Variants in TINAG observed in about 807,000 individuals in gnomAD.
TINAG encodes the protein tubulointerstitial nephritis antigen.
A neutral mutation model predicts 72.7 loss-of-function variants in TINAG; 83 were observed. That is an observed-to-expected ratio of 1.14 (90% CI 0.96 to 1.37). TINAG has a LOEUF of 1.37. Among genes scored for constraint, TINAG ranks in the 40% most tolerant of loss-of-function variants. TINAG has a pLI of 0.00. For missense variants in TINAG, 685 were observed against 576.6 expected (o/e 1.19, Z -1.93); for synonymous variants, 234 against 189.9 (o/e 1.23, Z -1.91).
intron 9 of TINAG, among the ~76,000 whole-genome samples, chr6:54,377,058 A>C (rs764396882): frequency 2.6e-5 from 4 of 152,162 alleles, no homozygotes; most frequent in Non-Finnish European, 5.9e-5. Flanking sequence ...ATGAGTCTTA[A>C]AAAATAATTG....
Position 54,389,831 on chromosome 6 carries a change from G to C in TINAG, c.1337G>C (p.Gly446Ala). The C allele has an allele frequency of 6.2e-7, 1 of 1,607,856 alleles. No individual in the cohort carries two copies. The highest frequency in any genetic ancestry group is 8.5e-7 in the Non-Finnish European group (1 of 1,177,808). ...NSWGKSWGEN[G>A]YFRILRGVNE... ...TGGGGAAAGTCATGGGGAGAGAATGGCTATTTCAGGATTCTTCGAGGAGTA... is the reference window on the plus strand; with the variant it reads ...TGGGGAAAGTCATGGGGAGAGAATGCCTATTTCAGGATTCTTCGAGGAGTA... Residue 446 changes from glycine to alanine, a missense_variant, in exon 11 of 11, where the codon GGC (glycine) becomes GCC (alanine). By Grantham distance (60) the Gly-to-Ala change is moderately conservative. Transcript: ENST00000259782.
At chr6:54,346,914 A>T in intron 5 of TINAG, among the ~76,000 whole-genome samples, 1 of 152,126 alleles carries the variant, frequency 6.6e-6, no homozygotes, top group Non-Finnish European at 1.5e-5. Context: ...TTTCCAATGA[A>T]TATTTCTATG....
intron 9 of TINAG, among the ~76,000 whole-genome samples, chr6:54,372,730 A>ACAT (rs1763660296): frequency 4.6e-4 from 1 of 2,160 alleles, no homozygotes; most frequent in Admixed American, 1.1e-3. Flanking sequence ...ATACATACAT[A>ACAT]TATATATATA....
intron 9 of TINAG, among the ~76,000 whole-genome samples, chr6:54,361,883 T>C (rs1468178516): frequency 6.6e-6 from 1 of 151,552 alleles, no homozygotes; most frequent in Non-Finnish European, 1.5e-5. Context: ...GGAAAGAAGA[T>C]CAAACAAGCC....
At chr6:54,358,615 G>A (rs762048149) in intron 9 of TINAG, among the ~76,000 whole-genome samples, 6 of 151,114 alleles carry the variant, frequency 4.0e-5, no homozygotes, top group Non-Finnish European at 8.9e-5. Flanking sequence ...GTTTGTAAAT[G>A]TTGAACCTGT....
chr6:54,308,479 C>A lies in TINAG; in HGVS notation c.-72C>A. The A allele has an allele frequency of 7.5e-7, 1 of 1,325,824 alleles. No homozygotes were observed. The highest frequency in any genetic ancestry group is 1.0e-6 in the Non-Finnish European group (1 of 966,730). 82.1% of individuals were successfully genotyped at this position (1,325,824 alleles called of 1,614,324 possible). A position where few individuals can be genotyped will look rare whatever the true frequency, so the allele number is the denominator to read the frequency against. On this transcript the variant is annotated 5_prime_UTR_variant, in exon 1 of 11. Transcript: ENST00000259782. ...TGTCTTAATGACTAGAATTCAGGTT[C>A]CAAGGAGAAGCCCACAAGGCTAAGG...
chr6:54,361,899 A>C lies in TINAG; in HGVS notation c.1250+7263A>C, dbSNP rs375416450. ...GAAAGAAGATCAAACAAGCCACAAC[A>C]TGTCCTTAAGCCAAAGCCTAATTCA... is the stretch of plus-strand genomic sequence containing the variant. On this transcript the variant is annotated intron_variant, in intron 9 of 10. Coordinates refer to ENST00000259782, the MANE Select transcript of TINAG (RefSeq NM_014464.4). 3.0e-4 allele frequency among the ~76,000 whole-genome samples: 45 copies of C among 151,830 alleles called. No homozygotes were observed. The East Asian group carries it at 8.0e-3, about 27-fold the overall frequency.
At chr6:54,343,969 T>G (rs1355467992) in intron 5 of TINAG, among the ~76,000 whole-genome samples, 1 of 152,198 alleles carries the variant, frequency 6.6e-6, no homozygotes, top group African/African-American at 2.4e-5. Context: ...TTCATATAAA[T>G]TCACAAATCC....
At chr6:54,332,085 A>G (rs1264046791) in intron 4 of TINAG, among the ~76,000 whole-genome samples, 1 of 152,210 alleles carries the variant, frequency 6.6e-6, no homozygotes, top group Non-Finnish European at 1.5e-5. Context: ...TCAAGCTACC[A>G]TGGACTTTCT....
rs915095165 is a variant in TINAG, at chr6:54,343,211, C to A, written c.625-15C>A. On this transcript the variant is annotated splice_polypyrimidine_tract_variant and intron_variant, in intron 4 of 10. Coordinates refer to ENST00000259782, the MANE Select transcript of TINAG (RefSeq NM_014464.4). ...TTGAGAAAATCTCATATATGTACCTCTTCTTCCTCTTTAGGCTTCTTTACC... is the reference window on the plus strand; with the variant it reads ...TTGAGAAAATCTCATATATGTACCTATTCTTCCTCTTTAGGCTTCTTTACC... 2.0e-6 allele frequency: 3 copies of A among 1,535,212 alleles called. No homozygotes were observed. The highest frequency in any genetic ancestry group is 2.7e-5 in the South Asian group (2 of 75,064).
intron 4 of TINAG, among the ~76,000 whole-genome samples, chr6:54,339,909 A>G (rs780360181): frequency 6.6e-6 from 1 of 152,174 alleles, no homozygotes; most frequent in Admixed American, 6.5e-5. Flanking sequence ...AACTGAAAAT[A>G]TAGGGCTGAT....
chr6:54,313,637 T>G (rs1279751941), intron 1 of TINAG, among the ~76,000 whole-genome samples: 1 of 152,168 alleles, frequency 6.6e-6, no homozygotes, highest in African/African-American at 2.4e-5. Context: ...GATTTACTTA[T>G]CACGTACTAA....
chr6:54,376,513 T>C (rs571229902), intron 9 of TINAG, among the ~76,000 whole-genome samples: 7 of 152,246 alleles, frequency 4.6e-5, no homozygotes, highest in Admixed American at 2.6e-4. Context: ...ATGGGCCTCA[T>C]TGACAAAATC....
At chr6:54,336,259 G>A (rs546794766) in intron 4 of TINAG, among the ~76,000 whole-genome samples, 4 of 152,144 alleles carry the variant, frequency 2.6e-5, no homozygotes, top group Admixed American at 6.6e-5. Flanking sequence ...ATGTTATTAT[G>A]TAATATATAA....
At chr6:54,314,316 C>T (rs1163769962) in intron 1 of TINAG, among the ~76,000 whole-genome samples, 1 of 152,120 alleles carries the variant, frequency 6.6e-6, no homozygotes, top group Non-Finnish European at 1.5e-5. Context: ...TAGTCATGAG[C>T]TGCTTTGGCT....
chr6:54,382,841 A>G (rs1231835113), intron 10 of TINAG, among the ~76,000 whole-genome samples: 2 of 152,156 alleles, frequency 1.3e-5, no homozygotes, highest in Admixed American at 1.3e-4. Flanking sequence ...AGACAAGCAG[A>G]TTCCTCCTTT....
intron 4 of TINAG, among the ~76,000 whole-genome samples, chr6:54,342,445 T>G (rs1785019746): frequency 6.6e-6 from 1 of 151,872 alleles, no homozygotes; most frequent in Non-Finnish European, 1.5e-5. Flanking sequence ...TGCAACCTCT[T>G]GCAATTTCCA....
At position 54,308,831 on chromosome 6, in the gene TINAG, G is replaced by T; in HGVS notation, c.281G>T (p.Cys94Phe). Reference protein sequence around the residue: ...DKFCDRENSDCCPDYKSFCRE... With the variant: ...DKFCDRENSDFCPDYKSFCRE... ...TTCTGTGACAGAGAAAATTCTGATT[G>T]CTGTCCTGACTACAAGTCCTTTTGC... The change falls in exon 1 of 11, where the codon TGC (cysteine) becomes TTC (phenylalanine). Residue 94 changes from cysteine (C) to phenylalanine (F), a missense_variant. Physicochemically the swap from Cys to Phe is radical, Grantham distance 205. Coordinates refer to ENST00000259782, the MANE Select transcript of TINAG (RefSeq NM_014464.4). 6.2e-7 allele frequency: 1 copy of T among 1,613,836 alleles called. No homozygotes were observed. The highest frequency in any genetic ancestry group is 8.5e-7 in the Non-Finnish European group (1 of 1,179,880).
intron 9 of TINAG, chr6:54,370,000 G>A (rs1763556173): frequency 6.6e-6 from 1 of 151,942 alleles, no homozygotes; most frequent in Non-Finnish European, 1.5e-5. Flanking sequence ...AAAACAATGA[G>A]GAGTTGATGT....
Sources: allele counts gnomAD v4.1 joint callset (sites outside exome capture counted in the v4.1 genomes callset), GRCh38; gene constraint gnomAD v4.1.1; transcripts MANE v1.5; gene names NCBI Gene and HGNC (gene_info 2026-07-23, HGNC 2026-07-21).